Variants in MPPED1 observed in about 807,000 individuals in gnomAD.
MPPED1 encodes the protein metallophosphoesterase domain containing 1.
MPPED1 carries 16 observed loss-of-function variants against 36.2 expected under a neutral mutation model. The ratio of observed to expected loss-of-function variants is 0.44; its 90% CI spans 0.30 to 0.67. The LOEUF (loss-of-function observed/expected upper bound fraction) is 0.67. Ranked by LOEUF, MPPED1 falls within the 30% of genes least tolerant of loss-of-function variation. MPPED1 has a pLI of 0.10. For synonymous variants in MPPED1, 199 were observed against 191.3 expected, an observed-to-expected ratio of 1.04 and a Z score of -0.33; for missense variants, 307 against 453.4, an observed-to-expected ratio of 0.68 and a Z score of 2.93.
At chr22:43,470,879 C>G (rs1376509530) in intron 3 of MPPED1, among the ~76,000 whole-genome samples, 2 of 152,248 alleles carry the variant, frequency 1.3e-5, no homozygotes, top group Non-Finnish European at 2.9e-5. Context: ...GGATGTGGTG[C>G]TGGACAGTTT....
chr22:43,497,176 G>A (rs932534343), intron 4 of MPPED1, among the ~76,000 whole-genome samples: 2 of 151,870 alleles, frequency 1.3e-5, no homozygotes, highest in Non-Finnish European at 2.9e-5. Flanking sequence ...TGGAAGTGCT[G>A]TTGATGGTAG....
At chr22:43,466,820 T>G (rs1300073001) in intron 3 of MPPED1, among the ~76,000 whole-genome samples, 3 of 152,144 alleles carry the variant, frequency 2.0e-5, no homozygotes, top group African/African-American at 7.2e-5. Context: ...AACCCTTCCT[T>G]TGGAAACCAT....
At chr22:43,415,135 C>T (rs1328991970) in intron 1 of MPPED1, among the ~76,000 whole-genome samples, 2 of 143,606 alleles carry the variant, frequency 1.4e-5, no homozygotes, top group Non-Finnish European at 3.0e-5. Context: ...TGGATGTCCC[C>T]ATGTAATGAG....
At chr22:43,476,771 A>G (rs1357459633) in intron 4 of MPPED1, among the ~76,000 whole-genome samples, 1 of 152,088 alleles carries the variant, frequency 6.6e-6, no homozygotes, top group Non-Finnish European at 1.5e-5. Flanking sequence ...GTCCCAGACA[A>G]GGACCTCTGG....
intron 4 of MPPED1, among the ~76,000 whole-genome samples, chr22:43,485,821 C>T (rs1030061542): frequency 1.3e-5 from 2 of 152,268 alleles, no homozygotes; most frequent in African/African-American, 2.4e-5. Context: ...CCCTGTTCTT[C>T]GGTTCCACTT....
At chr22:43,429,590 T>TG (rs1415284834) in intron 2 of MPPED1, among the ~76,000 whole-genome samples, 1 of 152,290 alleles carries the variant, frequency 6.6e-6, no homozygotes, top group Non-Finnish European at 1.5e-5. Context: ...TGCTCAGCAC[T>TG]GGGCCTTGTG....
chr22:43,471,095 G>C (rs972884646), intron 3 of MPPED1, among the ~76,000 whole-genome samples: 2 of 152,266 alleles, frequency 1.3e-5, no homozygotes, highest in African/African-American at 2.4e-5. Flanking sequence ...AGAGCTGACA[G>C]CTTCTGCGCT....
intron 3 of MPPED1, among the ~76,000 whole-genome samples, chr22:43,444,747 G>T (rs1319510588): frequency 1.3e-5 from 2 of 151,964 alleles, no homozygotes; most frequent in African/African-American, 2.4e-5. Flanking sequence ...ATCTAAGCAG[G>T]GTAGAGAGAT....
intron 5 of MPPED1, among the ~76,000 whole-genome samples, chr22:43,500,188 T>C (rs370925620): frequency 4.9e-5 from 3 of 61,804 alleles, no homozygotes; most frequent in East Asian, 4.0e-4. Context: ...GTGGTGATGG[T>C]GATGGAGGTG....
chr22:43,432,817 A>G, intron 2 of MPPED1, among the ~76,000 whole-genome samples: 1 of 146,562 alleles, frequency 6.8e-6, no homozygotes, highest in Non-Finnish European at 1.5e-5. Context: ...GGGAGGAGAG[A>G]GAGAGAAAGG....
At chr22:43,428,520 G>A (rs1929561177) in intron 2 of MPPED1, among the ~76,000 whole-genome samples, 1 of 152,322 alleles carries the variant, frequency 6.6e-6, no homozygotes, top group Non-Finnish European at 1.5e-5. Context: ...CGAGTCGGCT[G>A]CTCCCTCCCA....
chr22:43,502,727 C>A lies in MPPED1; in HGVS notation c.832C>A (p.Arg278=). ...LNTVQRRVQP[R]LHVFGHIHEG... ...CACGGTGCAGAGGCGCGTCCAGCCG[C>A]GGTTACATGTCTTTGGCCACATCCA... Residue 278 remains arginine, a synonymous_variant, in exon 6 of 7, where the codon CGG becomes AGG. Transcript: ENST00000443721. The surrounding 1 kb of genome is among the most constrained non-coding windows in gnomAD (Gnocchi z 5.5). The A allele has an allele frequency of 6.2e-7, 1 of 1,613,296 alleles. No homozygotes were observed. The highest frequency in any genetic ancestry group is 2.2e-5 in the East Asian group (1 of 44,878).
At chr22:43,504,048 G>T (rs1193289899) in intron 6 of MPPED1, among the ~76,000 whole-genome samples, 1 of 152,170 alleles carries the variant, frequency 6.6e-6, no homozygotes, top group Non-Finnish European at 1.5e-5. Flanking sequence ...GATAATGATA[G>T]TGATGATGGT....
intron 3 of MPPED1, among the ~76,000 whole-genome samples, chr22:43,473,517 CG>C (rs1569081440): frequency 1.3e-5 from 2 of 152,238 alleles, no homozygotes; most frequent in Admixed American, 1.3e-4. Context: ...AGGTCACTCT[CG>C]GCCCAGGAGG....
chr22:43,485,869 C>T (rs1290299518), intron 4 of MPPED1, among the ~76,000 whole-genome samples: 1 of 152,230 alleles, frequency 6.6e-6, no homozygotes, highest in Non-Finnish European at 1.5e-5. Context: ...TTGTGTGCCC[C>T]GGCCAGGTGT....
intron 3 of MPPED1, among the ~76,000 whole-genome samples, chr22:43,458,914 A>G (rs1170802695): frequency 6.6e-6 from 1 of 152,056 alleles, no homozygotes; most frequent in Non-Finnish European, 1.5e-5. Flanking sequence ...TTTGTGTGTG[A>G]TGAGTGATTG....
rs1466935992 is a variant in MPPED1 at position 43,505,729 on chromosome 22, G to A, written c.*113G>A. 2 of 920,270 alleles carry A rather than the reference G, an allele frequency of 2.2e-6. No homozygotes were observed. Among genetic ancestry groups the A allele is most frequent in the Non-Finnish European group, 3.4e-6 (2 of 594,942 alleles). 57.0% of individuals were successfully genotyped at this position (920,270 alleles called of 1,614,324 possible). Reference sequence around the variant, plus strand: ...ACGACCCATCTGGCTGCGGGGACTGGCCTAGCAGGCAGGTCAGGGCCTTGG... The same window carrying A: ...ACGACCCATCTGGCTGCGGGGACTGACCTAGCAGGCAGGTCAGGGCCTTGG... On this transcript the variant is annotated 3_prime_UTR_variant, in exon 7 of 7. Transcript: ENST00000443721.
intron 3 of MPPED1, among the ~76,000 whole-genome samples, chr22:43,436,751 G>GTCGCTGTGGGCCAAGCCC (rs1255624396): frequency 1.3e-5 from 2 of 152,392 alleles, no homozygotes. Context: ...AGAGGCTGGA[G>GTCGCTGTGGGCCAAGCCC]TCGCTGTGGG....
intron 4 of MPPED1, among the ~76,000 whole-genome samples, chr22:43,490,419 C>T (rs1932046766): frequency 6.6e-6 from 1 of 152,154 alleles, no homozygotes; most frequent in Non-Finnish European, 1.5e-5. Flanking sequence ...TCCGGCTCCC[C>T]AAGATTTGAG....
Sources: gnomAD v4.1 joint callset for allele counts (sites outside exome capture counted in the v4.1 genomes callset) on GRCh38, gnomAD v4.1.1 for gene constraint, Gnocchi (gnomAD v3.1) non-coding constraint, MANE v1.5 for transcripts, NCBI Gene and HGNC (gene_info 2026-07-23, HGNC 2026-07-21) for gene names.